Variants in HAPLN2 observed in about 807,000 individuals in gnomAD.
HAPLN2 encodes hyaluronan and proteoglycan link protein 2, also known as brain link protein-1.
Under a neutral mutation model 29.3 loss-of-function variants are expected in HAPLN2, and 27 were observed. The ratio of observed to expected loss-of-function variants is 0.92; its 90% CI spans 0.68 to 1.27. The LOEUF is 1.27. HAPLN2 is among the 50% of genes most tolerant of loss of function. The pLI is 0.00. For missense variants in HAPLN2, 454 were observed against 484.3 expected, an observed-to-expected ratio of 0.94 and a Z score of 0.59; for synonymous variants, 208 against 211.7, an observed-to-expected ratio of 0.98 and a Z score of 0.15.
In HAPLN2 at chr1:156,624,756, G is replaced by T; in HGVS notation, c.712G>T (p.Ala238Ser). Residue 238 changes from alanine (A) to serine (S), a missense_variant, in exon 6 of 7, where the codon GCC becomes TCC. By Grantham distance (99) the Ala-to-Ser change is moderately conservative. Around this residue, in one of 3 missense-constraint regions of HAPLN2, gnomAD observed 235 missense variants for 236.9 expected, o/e 0.99. Coordinates refer to ENST00000255039, the MANE Select transcript of HAPLN2 (RefSeq NM_021817.3). The part of the protein sequence containing the change: ...PRDRMRDRYD[A>S]FCFTSALAGQ... ...CGACCGGATGCGCGACCGCTACGAC[G>T]CCTTCTGCTTCACCTCCGCGCTGGC... 1 of 1,537,030 alleles carries T rather than the reference G, an allele frequency of 6.5e-7. No individual in the cohort carries two copies. The highest frequency in any genetic ancestry group is 8.7e-7 in the Non-Finnish European group (1 of 1,150,772).
At chr1:156,605,411 G>T in the HAPLN2 span, among the ~76,000 whole-genome samples, 1 of 151,592 alleles carries the variant, frequency 6.6e-6, no homozygotes, top group Non-Finnish European at 1.5e-5. Flanking sequence ...GGCTAACATG[G>T]TGAAACCCTG....
the HAPLN2 span, among the ~76,000 whole-genome samples, chr1:156,611,519 C>T: frequency 1.3e-5 from 2 of 151,968 alleles, no homozygotes; most frequent in Admixed American, 6.6e-5. Context: ...GAGCTGAGAT[C>T]GTGCCATTGC....
chr1:156,611,094 C>A, the HAPLN2 span, among the ~76,000 whole-genome samples: 688 of 151,990 alleles, frequency 4.5e-3, 5 homozygotes, highest in African/African-American at 0.016. Context: ...GCAGCCTGGG[C>A]AACCTGGTGA....
At chr1:156,608,700 A>T in the HAPLN2 span, among the ~76,000 whole-genome samples, 1 of 151,808 alleles carries the variant, frequency 6.6e-6, no homozygotes, top group African/African-American at 2.4e-5. Flanking sequence ...CTACCACCAC[A>T]CTTGGCTAAT....
Position 156,625,610 on chromosome 1 carries a change from C to A in HAPLN2, c.*226C>A. 4.2e-6 allele frequency: 2 copies of A among 475,790 alleles called. No homozygotes were observed. Among genetic ancestry groups the A allele is most frequent in the Non-Finnish European group, 7.3e-6 (2 of 275,480 alleles). The allele number at this position is 475,790 out of a possible 1,614,324, so 29.5% of individuals were successfully genotyped here. A position where few individuals can be genotyped will look rare whatever the true frequency, so the allele number is the denominator to read the frequency against. On this transcript the variant is annotated 3_prime_UTR_variant, in exon 7 of 7. Coordinates refer to ENST00000255039, the MANE Select transcript of HAPLN2 (RefSeq NM_021817.3). This position sits in a 1 kb window ranked among gnomAD's most constrained non-coding sequence, Gnocchi z 5.7. ...GCGAGATGCAGAGGTGACCCTCGGA[C>A]CCGCTGCCGTTCGCGAACCCTAGCA...
chr1:156,625,436 G>C lies in HAPLN2; in HGVS notation c.*52G>C. 1 of 1,501,556 alleles carries C rather than the reference G, an allele frequency of 6.7e-7. No homozygotes were observed. Among genetic ancestry groups the C allele is most frequent in the Non-Finnish European group, 8.9e-7 (1 of 1,120,464 alleles). 93.0% of individuals were successfully genotyped at this position (1,501,556 alleles called of 1,614,324 possible). A position where few individuals can be genotyped will look rare whatever the true frequency, so the allele number is the denominator to read the frequency against. On this transcript the variant is annotated 3_prime_UTR_variant, in exon 7 of 7. Transcript: ENST00000255039. This position sits in a 1 kb window ranked among gnomAD's most constrained non-coding sequence, Gnocchi z 5.7. ...CGCGAAGAAGCTTGGGAGTCGTGGCGGGGGTCTCTCGCCACCCCTTTCCGG... is the reference window on the plus strand; with the variant it reads ...CGCGAAGAAGCTTGGGAGTCGTGGCCGGGGTCTCTCGCCACCCCTTTCCGG...
At chr1:156,613,114 G>A in the HAPLN2 span, among the ~76,000 whole-genome samples, 13 of 152,328 alleles carry the variant, frequency 8.5e-5, no homozygotes, top group Admixed American at 2.6e-4. Flanking sequence ...ACTTTGGGAG[G>A]CCGAGGCAGG....
At chr1:156,603,759 C>T in the HAPLN2 span, among the ~76,000 whole-genome samples, 40 of 152,242 alleles carry the variant, frequency 2.6e-4, no homozygotes, top group African/African-American at 8.9e-4. Context: ...TATTAAAGGT[C>T]TCCTATATAC....
At chr1:156,601,946 T>TC in the HAPLN2 span, among the ~76,000 whole-genome samples, 8,417 of 152,132 alleles carry the variant, frequency 0.055, 342 homozygotes, top group African/African-American at 0.11. Context: ...CTTTTTTTTT[T>TC]TTTCTGAGAC....
chr1:156,603,708 G>A, the HAPLN2 span, among the ~76,000 whole-genome samples: 1 of 152,048 alleles, frequency 6.6e-6, no homozygotes, highest in Non-Finnish European at 1.5e-5. Context: ...CTAAGTCTTT[G>A]AGCTCACTGT....
At chr1:156,623,720 G>A (rs1678333830) in intron 3 of HAPLN2, 87 bp from the exon 4 acceptor site, 1 of 1,487,324 alleles carries the variant, frequency 6.7e-7, no homozygotes, top group Non-Finnish European at 8.9e-7. Flanking sequence ...GGGGGGCTCT[G>A]GAGAAAGCAT....
At position 156,623,456 on chromosome 1, in the gene HAPLN2, G is replaced by A; in HGVS notation, c.-24-11G>A. The stretch of plus-strand genomic sequence containing the variant: ...CAGTCCTAAGAACTGCCCACTCTTT[G>A]TGCCCTGCAGACGGTGCCGGGCTGA... On this transcript the variant is annotated splice_polypyrimidine_tract_variant and intron_variant, in intron 2 of 6. Transcript: ENST00000255039. 1.2e-6 allele frequency: 2 copies of A among 1,610,892 alleles called. No homozygotes were observed. Among genetic ancestry groups the A allele is most frequent in the South Asian group, 2.2e-5 (2 of 90,606 alleles).
At chr1:156,610,148 A>C in the HAPLN2 span, among the ~76,000 whole-genome samples, 1 of 152,176 alleles carries the variant, frequency 6.6e-6, no homozygotes, top group Non-Finnish European at 1.5e-5. Context: ...CAGGAGGTGG[A>C]GGTTCCAATG....
the HAPLN2 span, among the ~76,000 whole-genome samples, chr1:156,603,686 T>G: frequency 6.6e-6 from 1 of 152,134 alleles, no homozygotes; most frequent in Non-Finnish European, 1.5e-5. Flanking sequence ...GAATCAAGAT[T>G]CCTAGTCTGG....
chr1:156,612,223 C>T, the HAPLN2 span, among the ~76,000 whole-genome samples: 1 of 152,124 alleles, frequency 6.6e-6, no homozygotes, highest in East Asian at 1.9e-4. Context: ...GGGGTTTCAC[C>T]ATGTTGGCCA....
chr1:156,611,171 G>A, the HAPLN2 span, among the ~76,000 whole-genome samples: 3 of 151,386 alleles, frequency 2.0e-5, no homozygotes, highest in Non-Finnish European at 4.4e-5. Context: ...TAATCCTAGC[G>A]ACTCAGGAGG....
the HAPLN2 span, among the ~76,000 whole-genome samples, chr1:156,609,527 AATT>A: frequency 6.6e-6 from 1 of 152,208 alleles, no homozygotes; most frequent in African/African-American, 2.4e-5. Flanking sequence ...CCAATTAAAA[AATT>A]ATTATTCTAT....
Position 156,620,140 on chromosome 1 carries a change from A to G in HAPLN2, c.-43A>G, listed in dbSNP as rs1162381591. 6.6e-6 allele frequency: 1 copy of G among 152,250 alleles called. No homozygotes were observed. The highest frequency in any genetic ancestry group is 2.4e-5 in the African/African-American group (1 of 41,462). 9.4% of individuals were successfully genotyped at this position (152,250 alleles called of 1,614,324 possible). On this transcript the variant is annotated 5_prime_UTR_variant, in exon 2 of 7. Transcript: ENST00000255039. ...AGCACTGCTCCCTCCGTCTCTGTGA[A>G]GAGACCAGCTTCTAACAGGTAGGCA... is the stretch of plus-strand genomic sequence containing the variant.
chr1:156,624,503 G>T (rs373731243), intron 5 of HAPLN2, 36 bp downstream of exon 5: 1 of 1,607,570 alleles, frequency 6.2e-7, no homozygotes, highest in Non-Finnish European at 8.5e-7. Context: ...CAAGCCCCGC[G>T]GAGCTGTCTC....
Sources: allele counts gnomAD v4.1 joint callset (sites outside exome capture counted in the v4.1 genomes callset), GRCh38; gene constraint gnomAD v4.1.1; regional missense constraint gnomAD v4.1.1; non-coding constraint Gnocchi (gnomAD v3.1); transcripts MANE v1.5; gene names NCBI Gene and HGNC (gene_info 2026-07-23, HGNC 2026-07-21).